The following LGI4 variants were observed in gnomAD, a reference collection of about 807,000 sequenced individuals.
The protein encoded by LGI4 is leucine-rich repeat LGI family member 4.
Under a neutral mutation model 48.3 loss-of-function variants are expected in LGI4, and 36 were observed. That is an observed-to-expected ratio of 0.75 (90% CI 0.57 to 0.98). The LOEUF (loss-of-function observed/expected upper bound fraction) is 0.98, where lower values mean the gene tolerates loss of function less well. LGI4 is among the 50% of genes least tolerant of loss of function. The pLI, the probability that LGI4 is intolerant of heterozygous loss-of-function variation, is 0.00. For synonymous variants in LGI4, 355 were observed against 331.6 expected (o/e 1.07, Z -0.77); for missense variants, 701 against 732.1 (o/e 0.96, Z 0.49).
intron 6 of LGI4, among the ~76,000 whole-genome samples, chr19:35,127,847 G>A (rs1465610459): frequency 6.6e-6 from 1 of 152,206 alleles, no homozygotes; most frequent in Non-Finnish European, 1.5e-5. Context: ...CAGGCAGTCT[G>A]TTATCCAACA....
rs2065162051 is a variant in LGI4, at chr19:35,129,666, T to G, written c.628+1720A>C. 2.0e-5 allele frequency among the ~76,000 whole-genome samples: 3 copies of G among 152,210 alleles called. No homozygotes were observed. The South Asian group carries it at 6.2e-4, about 32-fold the overall frequency. Reference sequence around the variant, plus strand: ...CACTGTGGAAGGCCGCAGGGACCTCTGCCCAAGAAAGCCTGGGTATTGTCC... The same window carrying G: ...CACTGTGGAAGGCCGCAGGGACCTCGGCCCAAGAAAGCCTGGGTATTGTCC... On this transcript the variant is annotated intron_variant, in intron 6 of 8. Transcript: ENST00000310123.
chr19:35,126,596 G>A lies in LGI4; in HGVS notation c.973C>T (p.Leu325=). Reference sequence around the variant, plus strand: ...ACCACGAAGCAGGGTTGCCCTTCCAGCCACAGGAGCTCGGCGTCATTGGGC... The same window carrying A: ...ACCACGAAGCAGGGTTGCCCTTCCAACCACAGGAGCTCGGCGTCATTGGGC... ...LRPNDAELLW[L]EGQPCFVVAD... Residue 325 remains leucine (L), a synonymous_variant, in exon 8 of 9, where the codon CTG becomes TTG. Coordinates refer to ENST00000310123, the MANE Select transcript of LGI4 (RefSeq NM_139284.3). 1 of 1,542,070 alleles carries A rather than the reference G, an allele frequency of 6.5e-7. No individual in the cohort carries two copies. Among genetic ancestry groups the A allele is most frequent in the Non-Finnish European group, 8.7e-7 (1 of 1,149,768 alleles).
At chr19:35,129,947 T>C (rs1303736542) in intron 6 of LGI4, among the ~76,000 whole-genome samples, 1 of 152,206 alleles carries the variant, frequency 6.6e-6, no homozygotes, top group Non-Finnish European at 1.5e-5. Flanking sequence ...AGGTGAGACA[T>C]GCTGGCGGCA....
At chr19:35,130,231 C>A (rs1250376206) in intron 6 of LGI4, among the ~76,000 whole-genome samples, 2 of 152,188 alleles carry the variant, frequency 1.3e-5, no homozygotes, top group Non-Finnish European at 2.9e-5. Flanking sequence ...GAGTGCCAGT[C>A]CCCTGGGCCC....
Position 35,133,335 on chromosome 19 carries a change from C to A in LGI4, c.314+358G>T, listed in dbSNP as rs572841842. ...ACCACTACCTAATTCAGAGTTGTTT[C>A]CTGGTCATTTGAAACGTTTCTTGTC... On this transcript the variant is annotated intron_variant, in intron 3 of 8. Coordinates refer to ENST00000310123, the MANE Select transcript of LGI4 (RefSeq NM_139284.3). 8.2e-5 allele frequency: 91 copies of A among 1,114,462 alleles called. No homozygotes were observed. In the African/African-American group the frequency reaches 1.3e-3, roughly 16 times the overall value. 69.0% of individuals were successfully genotyped at this position (1,114,462 alleles called of 1,614,324 possible). A position where few individuals can be genotyped will look rare whatever the true frequency, so the allele number is the denominator to read the frequency against.
chr19:35,132,067 G>C lies in LGI4; in HGVS notation c.315-25C>G, dbSNP rs777830006. ...GCTGTGGAGGGAAGCTGGGGTCAGG[G>C]GGAGGCCCGCTGAGCTTCAGGGAAC... On this transcript the variant is annotated intron_variant, in intron 3 of 8. Coordinates refer to ENST00000310123, the MANE Select transcript of LGI4 (RefSeq NM_139284.3). The C allele has an allele frequency of 8.3e-6, 13 of 1,557,010 alleles. No individual in the cohort carries two copies. The Admixed American group carries it at 2.3e-4, about 28-fold the overall frequency.
chr19:35,127,168 T>C (rs980827349), intron 6 of LGI4, 151 bp from the exon 7 acceptor site: 5 of 882,958 alleles, frequency 5.7e-6, no homozygotes, highest in Admixed American at 5.9e-5. Context: ...TAGATGTTTG[T>C]TTGGTTTGGG....
rs1475065627 is a variant in LGI4, at chr19:35,134,019, C to T, written c.242+14G>A. The T allele has an allele frequency of 1.3e-6, 2 of 1,556,014 alleles. No homozygotes were observed. The highest frequency in any genetic ancestry group is 1.9e-5 in the Admixed American group (1 of 51,532). ...CCCTTGAGCTGGTTGTCGGCCCAGC[C>T]AGGCCCCACTCACAGCAGGTGCAGA... On this transcript the variant is annotated intron_variant, in intron 2 of 8. Coordinates refer to ENST00000310123, the MANE Select transcript of LGI4 (RefSeq NM_139284.3).
intron 5 of LGI4, 44 bp from the exon 6 acceptor site, chr19:35,131,599 C>A (rs1163115039): frequency 1.3e-6 from 2 of 1,534,752 alleles, no homozygotes. Flanking sequence ...GGCTTCCACG[C>A]CCTGGGGGCC....
Position 35,134,994 on chromosome 19 carries a change from C to T in LGI4, c.-314G>A. On this transcript the variant is annotated 5_prime_UTR_variant, in exon 1 of 9. Coordinates refer to ENST00000310123, the MANE Select transcript of LGI4 (RefSeq NM_139284.3). ...TCTTTTTTTCTGTGTTGCTGTCAGT[C>T]TTTCAGGCTTTAGGTAGCTGTCTAT... is the stretch of plus-strand genomic sequence containing the variant. 2.9e-6 allele frequency: 1 copy of T among 343,670 alleles called. No homozygotes were observed. The allele number at this position is 343,670 out of a possible 1,614,324, so 21.3% of individuals were successfully genotyped here.
At position 35,126,588 on chromosome 19, in the gene LGI4, C is replaced by T; in HGVS notation, c.981G>A (p.Gly327=). Residue 327 remains glycine, a synonymous_variant, in exon 8 of 9, where the codon GGG becomes GGA. Transcript: ENST00000310123. ...PNDAELLWLE[G]QPCFVVADAS... The stretch of plus-strand genomic sequence containing the variant: ...CATCGGCCACCACGAAGCAGGGTTG[C>T]CCTTCCAGCCACAGGAGCTCGGCGT... 2 of 1,540,946 alleles carry T rather than the reference C, an allele frequency of 1.3e-6. No individual in the cohort carries two copies. Among genetic ancestry groups the T allele is most frequent in the Middle Eastern group, 1.7e-4 (1 of 5,876 alleles).
At chr19:35,130,221 G>A (rs546603404) in intron 6 of LGI4, among the ~76,000 whole-genome samples, 106 of 152,286 alleles carry the variant, frequency 7.0e-4, no homozygotes, top group Middle Eastern at 3.4e-3. Flanking sequence ...CTCACTTGCT[G>A]AGTGCCAGTC....
chr19:35,125,646 G>A, intron 8 of LGI4, 139 bp from the exon 9 acceptor site: 1 of 775,994 alleles, frequency 1.3e-6, no homozygotes, highest in Non-Finnish European at 2.2e-6. Flanking sequence ...CACCTGTTCG[G>A]CCACACACAT....
chr19:35,130,518 C>A (rs760717007), intron 6 of LGI4, among the ~76,000 whole-genome samples: 1 of 152,046 alleles, frequency 6.6e-6, no homozygotes, highest in African/African-American at 2.4e-5. Flanking sequence ...CTCCCAGACC[C>A]TATCTCTACA....
chr19:35,126,665 G>T lies in LGI4; in HGVS notation c.904C>A (p.Arg302Ser). 1 of 1,535,680 alleles carries T rather than the reference G, an allele frequency of 6.5e-7. No individual in the cohort carries two copies. The highest frequency in any genetic ancestry group is 8.7e-7 in the Non-Finnish European group (1 of 1,146,230). Residue 302 changes from arginine to serine, a missense_variant, in exon 8 of 9, where the codon CGC becomes AGC. Transcript: ENST00000310123. ...QLWARPSPGL[R>S]LAPTQTLAPR... The stretch of plus-strand genomic sequence containing the variant: ...GCCAGGGTCTGCGTTGGGGCCAGGC[G>T]CAGGCCGGGACTGGGCCGGGCCCAC...
In LGI4 at chr19:35,131,870, G is replaced by GC; in HGVS notation, c.387-11_387-10insG. 3.2e-6 allele frequency: 5 copies of GC among 1,570,020 alleles called. No homozygotes were observed. Among genetic ancestry groups the GC allele is most frequent in the Non-Finnish European group, 4.3e-6 (5 of 1,157,194 alleles). ...GTTATTGGCCAGGCTTCTGGTGGAG[G>GC]AAGAGAAGGCACCGTCAGCAGCCAC... On this transcript the variant is annotated splice_polypyrimidine_tract_variant and intron_variant, in intron 4 of 8. Coordinates refer to ENST00000310123, the MANE Select transcript of LGI4 (RefSeq NM_139284.3).
intron 6 of LGI4, among the ~76,000 whole-genome samples, chr19:35,127,952 G>A (rs537508729): frequency 3.3e-5 from 5 of 152,282 alleles, no homozygotes; most frequent in African/African-American, 1.2e-4. Context: ...CCCATTCACC[G>A]CCCTCGCTGA....
intron 3 of LGI4, 28 bp downstream of exon 3, chr19:35,133,665 C>T: frequency 6.3e-7 from 1 of 1,575,438 alleles, no homozygotes; most frequent in Non-Finnish European, 8.6e-7. Flanking sequence ...CCCAGACCCA[C>T]CTGCCTCCAT....
intron 8 of LGI4, 146 bp from the exon 9 acceptor site, chr19:35,125,653 A>T: frequency 1.3e-6 from 1 of 761,426 alleles, no homozygotes; most frequent in South Asian, 1.5e-5. Context: ...TCGGCCACAC[A>T]CATGCAGTTG....
Sources: gnomAD v4.1 joint callset for allele counts (sites outside exome capture counted in the v4.1 genomes callset) on GRCh38, gnomAD v4.1.1 for gene constraint, MANE v1.5 for transcripts, NCBI Gene and HGNC (gene_info 2026-07-23, HGNC 2026-07-21) for gene names.